The following RIOK2 variants were observed in gnomAD, a reference collection of about 807,000 sequenced individuals.
The protein encoded by RIOK2 is serine/threonine-protein kinase RIO2.
A neutral mutation model predicts 62.4 loss-of-function variants in RIOK2; 46 were observed. That is an observed-to-expected ratio of 0.74 (90% CI 0.58 to 0.94). The LOEUF is 0.94. RIOK2 is among the 40% of genes least tolerant of loss of function. RIOK2 has a pLI of 0.00. For synonymous variants in RIOK2, 197 were observed against 216.0 expected, an observed-to-expected ratio of 0.91 and a Z score of 0.77; for missense variants, 574 against 658.0, an observed-to-expected ratio of 0.87 and a Z score of 1.40.
chr5:97,164,363 T>C (rs1748785394), intron 9 of RIOK2, among the ~76,000 whole-genome samples: 1 of 151,802 alleles, frequency 6.6e-6, no homozygotes, highest in Admixed American at 6.6e-5. Flanking sequence ...TAGCCAGCCA[T>C]GGTGGTAGGC....
chr5:97,166,728 G>GA, intron 8 of RIOK2: 1 of 973,390 alleles, frequency 1.0e-6, no homozygotes, highest in Non-Finnish European at 1.2e-6. Context: ...AGGTACTAGA[G>GA]AAAATTCACT....
intron 4 of RIOK2, among the ~76,000 whole-genome samples, chr5:97,174,440 T>C (rs1749107771): frequency 1.3e-5 from 2 of 152,074 alleles, no homozygotes; most frequent in Admixed American, 6.6e-5. Flanking sequence ...TTTTTTTACA[T>C]TGGCTGTAAA....
chr5:97,162,743 T>C lies in RIOK2; in HGVS notation c.*318A>G, dbSNP rs534998988. 1 of 215,908 alleles carries C rather than the reference T, an allele frequency of 4.6e-6. No homozygotes were observed. Among genetic ancestry groups the C allele is most frequent in the African/African-American group, 2.3e-5 (1 of 43,192 alleles). The allele number at this position is 215,908 out of a possible 1,614,324, so 13.4% of individuals were successfully genotyped here. On this transcript the variant is annotated 3_prime_UTR_variant, in exon 10 of 10. Coordinates refer to ENST00000283109, the MANE Select transcript of RIOK2 (RefSeq NM_018343.3). ...AAGAATGTGCTAAACATTGTTCTAATTGCTTTATGTGCATTGTAGCATATC... is the reference window on the plus strand; with the variant it reads ...AAGAATGTGCTAAACATTGTTCTAACTGCTTTATGTGCATTGTAGCATATC...
chr5:97,182,348 CCT>C (rs961964848), intron 1 of RIOK2, among the ~76,000 whole-genome samples: 1 of 152,174 alleles, frequency 6.6e-6, no homozygotes, highest in African/African-American at 2.4e-5. Context: ...ATTGGCCTTT[CCT>C]CTCTTCAAAG....
In RIOK2 at chr5:97,171,240, G is replaced by A. The variant is rs528772800; in HGVS notation, c.745C>T (p.Gln249Ter). The A allele has an allele frequency of 6.3e-7, 1 of 1,590,154 alleles. No individual in the cohort carries two copies. The highest frequency in any genetic ancestry group is 8.6e-7 in the Non-Finnish European group (1 of 1,167,708). ...SDHITMIDFP[Q>*]MVSTSHPNAE... The stretch of plus-strand genomic sequence containing the variant: ...TTGGGATGAGAAGTTGAAACCATCT[G>A]TGGAAAATCAATCATGGTGATATGG... Residue 249 changes from glutamine (Q) to a stop codon, truncating the protein, a stop_gained, in exon 6 of 10, where the codon CAG (glutamine) becomes TAG (stop). Coordinates refer to ENST00000283109, the MANE Select transcript of RIOK2 (RefSeq NM_018343.3). LOFTEE classifies it high-confidence loss of function.
At position 97,178,892 on chromosome 5, in the gene RIOK2, C is replaced by T. The variant is rs529344462; in HGVS notation, c.205+163G>A. ...TCACCTCCTTTGATCTGGGTGTGCC[C>T]TGTGATTATTTTGACTAATAGGATA... is the stretch of plus-strand genomic sequence containing the variant. On this transcript the variant is annotated intron_variant, in intron 2 of 9. Coordinates refer to ENST00000283109, the MANE Select transcript of RIOK2 (RefSeq NM_018343.3). 2.0e-5 allele frequency: 15 copies of T among 762,112 alleles called. No homozygotes were observed. The African/African-American group carries it at 2.7e-4, about 13-fold the overall frequency. The allele number at this position is 762,112 out of a possible 1,614,324, so 47.2% of individuals were successfully genotyped here.
intron 5 of RIOK2, among the ~76,000 whole-genome samples, chr5:97,171,864 G>A (rs1470581063): frequency 6.6e-6 from 1 of 152,130 alleles, no homozygotes; most frequent in Non-Finnish European, 1.5e-5. Flanking sequence ...TGTAATCCTA[G>A]CACTTTGGGA....
intron 4 of RIOK2, chr5:97,175,881 A>G (rs1749149703): frequency 1.3e-5 from 2 of 152,220 alleles, no homozygotes. Context: ...ATATTATTAT[A>G]TTTAACAATC....
intron 2 of RIOK2, 25 bp downstream of exon 2, chr5:97,179,028 TCA>T (rs759943169): frequency 1.2e-6 from 2 of 1,613,352 alleles, no homozygotes; most frequent in South Asian, 2.2e-5. Flanking sequence ...ACCTGAAAAA[TCA>T]CAAATGGTGC....
rs199918356 is a variant in RIOK2, at chr5:97,171,355, A to C, written c.630T>G (p.Asp210Glu). Residue 210 changes from aspartate (D) to glutamate (E), a missense_variant, in exon 6 of 10, where the codon GAT (aspartate) becomes GAG (glutamate). Coordinates refer to ENST00000283109, the MANE Select transcript of RIOK2 (RefSeq NM_018343.3). ...HHVEDPASVYDEAMELIVKLA... is the reference protein window; with the variant it reads ...HHVEDPASVYEEAMELIVKLA... ...GTTTGACAATTAGTTCCATAGCTTCATCATATACTGATGCAGGATCTTCAA... is the reference window on the plus strand; with the variant it reads ...GTTTGACAATTAGTTCCATAGCTTCCTCATATACTGATGCAGGATCTTCAA... 4.9e-5 allele frequency: 78 copies of C among 1,582,510 alleles called. 1 individual carries two copies. The East Asian group carries it at 1.5e-3, about 31-fold the overall frequency.
chr5:97,165,714 G>T (rs1748826050), intron 8 of RIOK2, among the ~76,000 whole-genome samples: 1 of 152,102 alleles, frequency 6.6e-6, no homozygotes, highest in Non-Finnish European at 1.5e-5. Context: ...CTTTTACTTT[G>T]AATGGAAGTT....
rs1749207372 is a variant in RIOK2, at chr5:97,177,714, A to G, written c.322+18T>C. On this transcript the variant is annotated intron_variant, in intron 3 of 9. Coordinates refer to ENST00000283109, the MANE Select transcript of RIOK2 (RefSeq NM_018343.3). ...CTAAAGCAAAGAAAATACTTTGCACAGTACTATTAGCACTTACCTGATTCT... is the reference window on the plus strand; with the variant it reads ...CTAAAGCAAAGAAAATACTTTGCACGGTACTATTAGCACTTACCTGATTCT... The G allele has an allele frequency of 1.4e-6, 2 of 1,382,344 alleles. No homozygotes were observed. The highest frequency in any genetic ancestry group is 4.6e-5 in the East Asian group (2 of 43,558). 85.6% of individuals were successfully genotyped at this position (1,382,344 alleles called of 1,614,324 possible). A position where few individuals can be genotyped will look rare whatever the true frequency, so the allele number is the denominator to read the frequency against.
intron 2 of RIOK2, 43 bp downstream of exon 2, chr5:97,179,012 C>T: frequency 1.2e-6 from 2 of 1,612,056 alleles, no homozygotes; most frequent in Non-Finnish European, 1.7e-6. Flanking sequence ...CTGGTGGAAA[C>T]CAATTACCTG....
intron 2 of RIOK2, among the ~76,000 whole-genome samples, chr5:97,178,377 C>G (rs1163220460): frequency 6.6e-6 from 1 of 151,632 alleles, no homozygotes; most frequent in Non-Finnish European, 1.5e-5. Context: ...ACATGCTCTT[C>G]TGCAGTACCT....
intron 6 of RIOK2, among the ~76,000 whole-genome samples, chr5:97,170,129 A>G (rs1243639948): frequency 6.6e-6 from 1 of 152,072 alleles, no homozygotes; most frequent in African/African-American, 2.4e-5. Context: ...GAATTAATAT[A>G]CTCTATTATA....
intron 5 of RIOK2, among the ~76,000 whole-genome samples, chr5:97,172,950 C>G (rs902564967): frequency 6.6e-5 from 10 of 152,092 alleles, no homozygotes; most frequent in African/African-American, 2.4e-4. Context: ...GTTCCTGGCA[C>G]CTAACAGTCT....
intron 7 of RIOK2, among the ~76,000 whole-genome samples, chr5:97,168,461 T>G (rs1748906943): frequency 6.6e-6 from 1 of 152,206 alleles, no homozygotes; most frequent in Non-Finnish European, 1.5e-5. Flanking sequence ...CAATGAATGT[T>G]TGGTGTTATT....
rs201880466 is a variant in RIOK2 at position 97,163,148 on chromosome 5, T to C, written c.1572A>G (p.Gly524=). 37 of 1,613,724 alleles carry C rather than the reference T, an allele frequency of 2.3e-5. No individual in the cohort carries two copies. In the African/African-American group the frequency reaches 4.7e-4, roughly 20 times the overall value. The change falls in exon 10 of 10, where the codon GGA becomes GGG. Residue 524 remains glycine, a synonymous_variant. Coordinates refer to ENST00000283109, the MANE Select transcript of RIOK2 (RefSeq NM_018343.3). Reference sequence around the variant, plus strand: ...GTTGCTTGGTAAATATATTTGCTTCTCCTTTCTGCAATCGACGTCTGACAG... The same window carrying C: ...GTTGCTTGGTAAATATATTTGCTTCCCCTTTCTGCAATCGACGTCTGACAG... ...KSAVRRRLQK[G]EANIFTKQRR... is the part of the protein sequence containing the mutation.
Position 97,167,663 on chromosome 5 carries a change from C to G in RIOK2, c.1201G>C (p.Glu401Gln). ...FEMTEFNQAL[E>Q]EIKGQVVENN... ...TCAACAACCTGCCCTTTTATTTCTT[C>G]TAAAGCTTGATTGAATTCAGTCATT... Residue 401 changes from glutamate to glutamine, a missense_variant, in exon 8 of 10, where the codon GAA becomes CAA. Physicochemically the swap from Glu to Gln is conservative, Grantham distance 29. Transcript: ENST00000283109. 6.2e-7 allele frequency: 1 copy of G among 1,614,176 alleles called. No individual in the cohort carries two copies. Among genetic ancestry groups the G allele is most frequent in the East Asian group, 2.2e-5 (1 of 44,886 alleles).
Sources: allele counts gnomAD v4.1 joint callset (sites outside exome capture counted in the v4.1 genomes callset), GRCh38; gene constraint gnomAD v4.1.1; transcripts MANE v1.5; gene names NCBI Gene and HGNC (gene_info 2026-07-23, HGNC 2026-07-21).